TENM3: variants seen among roughly 807,000 people sequenced by gnomAD.
The protein encoded by TENM3 is teneurin-3.
A neutral mutation model predicts 255.1 loss-of-function variants in TENM3; 63 were observed. The observed-to-expected ratio is 0.25, with a 90% CI of 0.20 to 0.30. The LOEUF (loss-of-function observed/expected upper bound fraction) is 0.30, where lower values mean the gene tolerates loss of function less well. TENM3 is among the 10% of genes least tolerant of loss of function. The pLI, the probability that TENM3 is intolerant of heterozygous loss-of-function variation, is 1.00. For synonymous variants in TENM3, 1,306 were observed against 1,322.3 expected (o/e 0.99, Z 0.27); for missense variants, 2,929 against 3,461.1 (o/e 0.85, Z 3.86).
intron 3 of TENM3, among the ~76,000 whole-genome samples, chr4:182,508,794 A>G (rs1737087143): frequency 6.6e-6 from 1 of 152,234 alleles, no homozygotes; most frequent in South Asian, 2.1e-4. Flanking sequence ...TAAGCTTTCC[A>G]GCTTCCTACC....
chr4:182,223,656 G>A (rs1161350129), intron 1 of TENM3, among the ~76,000 whole-genome samples: 2 of 152,006 alleles, frequency 1.3e-5, no homozygotes, highest in Non-Finnish European at 2.9e-5. Flanking sequence ...GAGACATTAA[G>A]TGCCATGATT....
chr4:182,192,056 A>G (rs1174427390), intron 1 of TENM3, among the ~76,000 whole-genome samples: 1 of 152,188 alleles, frequency 6.6e-6, no homozygotes, highest in Non-Finnish European at 1.5e-5. Flanking sequence ...ACACTTTTAA[A>G]TAGAGGGGAA....
At chr4:182,490,595 G>T (rs867594567) in intron 3 of TENM3, among the ~76,000 whole-genome samples, 24 of 152,278 alleles carry the variant, frequency 1.6e-4, no homozygotes, top group Admixed American at 1.0e-3. Context: ...ATGGAAAAGT[G>T]AATGGGATGG....
intron 4 of TENM3, among the ~76,000 whole-genome samples, chr4:182,614,495 T>A (rs962343880): frequency 6.6e-6 from 1 of 152,196 alleles, no homozygotes; most frequent in African/African-American, 2.4e-5. Flanking sequence ...ACTATGAGTA[T>A]GTTTTATTAC....
chr4:182,305,250 A>G (rs1227598672), intron 1 of TENM3, among the ~76,000 whole-genome samples: 1 of 152,210 alleles, frequency 6.6e-6, no homozygotes. Flanking sequence ...ACAGATTGTT[A>G]ACAAATAACA....
At chr4:182,019,833 T>C in the TENM3 span, among the ~76,000 whole-genome samples, 1 of 151,962 alleles carries the variant, frequency 6.6e-6, no homozygotes, top group Non-Finnish European at 1.5e-5. Context: ...TCCAGCTAAT[T>C]TTTGTACTTT....
At chr4:181,753,882 A>T in the TENM3 span, among the ~76,000 whole-genome samples, 1 of 152,188 alleles carries the variant, frequency 6.6e-6, no homozygotes, top group East Asian at 1.9e-4. Context: ...GTAAGTCTGT[A>T]TTCGTCAAAA....
chr4:181,708,677 C>G, the TENM3 span, among the ~76,000 whole-genome samples: 1 of 151,518 alleles, frequency 6.6e-6, no homozygotes. Flanking sequence ...TCAATCTTGG[C>G]TATGCCTTTA....
At chr4:181,605,451 A>AG in the TENM3 span, among the ~76,000 whole-genome samples, 1 of 82,152 alleles carries the variant, frequency 1.2e-5, no homozygotes, top group Admixed American at 1.5e-4. Flanking sequence ...CAAAAGAAAG[A>AG]AAGAGAGAGA....
At chr4:181,489,139 C>A in the TENM3 span, among the ~76,000 whole-genome samples, 2 of 152,170 alleles carry the variant, frequency 1.3e-5, no homozygotes, top group African/African-American at 4.8e-5. Flanking sequence ...TGTAAATGCC[C>A]AGTGTTTCTT....
At chr4:181,448,424 G>A in the TENM3 span, among the ~76,000 whole-genome samples, 3 of 152,020 alleles carry the variant, frequency 2.0e-5, no homozygotes, top group East Asian at 3.9e-4. Context: ...GCCCGCCTCG[G>A]CCTCCCAAAG....
At chr4:181,651,642 G>A in the TENM3 span, among the ~76,000 whole-genome samples, 1 of 151,890 alleles carries the variant, frequency 6.6e-6, no homozygotes, top group East Asian at 1.9e-4. Flanking sequence ...CCTATACTAG[G>A]CATAGAGAAC....
the TENM3 span, among the ~76,000 whole-genome samples, chr4:181,570,109 A>C: frequency 1.4e-5 from 2 of 147,464 alleles, no homozygotes; most frequent in Admixed American, 6.9e-5. Flanking sequence ...GCAGTGGCAC[A>C]ATCTCGGCTC....
At chr4:181,605,593 GAAA>G in the TENM3 span, among the ~76,000 whole-genome samples, 12 of 97,268 alleles carry the variant, frequency 1.2e-4, no homozygotes, top group African/African-American at 1.7e-4. Flanking sequence ...AGGAAAGAAA[GAAA>G]GAAAGAAAGA....
At chr4:181,508,304 G>T in the TENM3 span, among the ~76,000 whole-genome samples, 1 of 152,108 alleles carries the variant, frequency 6.6e-6, no homozygotes, top group African/African-American at 2.4e-5. Flanking sequence ...AGACAGCAGG[G>T]GTCCTAACAA....
intron 1 of TENM3, among the ~76,000 whole-genome samples, chr4:182,208,114 T>TTAATG (rs1754709056): frequency 6.6e-6 from 1 of 152,208 alleles, no homozygotes; most frequent in African/African-American, 2.4e-5. Context: ...AAGCACAGAG[T>TTAATG]TAATGTCCAA....
the TENM3 span, among the ~76,000 whole-genome samples, chr4:181,719,544 G>T: frequency 1.3e-5 from 2 of 152,190 alleles, no homozygotes; most frequent in South Asian, 4.1e-4. Context: ...CACGGTGGAA[G>T]CGCAAAAGGG....
At chr4:182,770,776 C>T (rs1238933718) in intron 22 of TENM3, among the ~76,000 whole-genome samples, 1 of 152,210 alleles carries the variant, frequency 6.6e-6, no homozygotes, top group Non-Finnish European at 1.5e-5. Context: ...TTCACAATAT[C>T]CTCACGCTTT....
chr4:182,481,146 A>T (rs919761011), intron 3 of TENM3, among the ~76,000 whole-genome samples: 6 of 152,288 alleles, frequency 3.9e-5, no homozygotes, highest in African/African-American at 1.4e-4. Flanking sequence ...AGAGAGGCCA[A>T]GAGAGTTTCT....
Sources: gnomAD v4.1 joint callset for allele counts (sites outside exome capture counted in the v4.1 genomes callset) on GRCh38, gnomAD v4.1.1 for gene constraint, MANE v1.5 for transcripts, NCBI Gene and HGNC (gene_info 2026-07-23, HGNC 2026-07-21) for gene names.